SMAD3: variants seen among roughly 807,000 people sequenced by gnomAD.
SMAD3 encodes the protein SMAD family member 3, also known as MAD homolog 3.
SMAD3 carries 12 observed loss-of-function variants against 51.8 expected under a neutral mutation model. The observed-to-expected ratio is 0.23, with a 90% CI of 0.15 to 0.38. SMAD3 has a LOEUF of 0.38. SMAD3 is among the 10% of genes least tolerant of loss of function. The pLI is 1.00. For synonymous variants in SMAD3, 238 were observed against 227.7 expected (o/e 1.05, Z -0.41); for missense variants, 294 against 565.6 (o/e 0.52, Z 4.87).
At chr15:67,150,795 C>T (rs1423835306) in intron 1 of SMAD3, among the ~76,000 whole-genome samples, 1 of 74,142 alleles carries the variant, frequency 1.3e-5, no homozygotes, top group Admixed American at 1.6e-4. Context: ...TTTCCATGTC[C>T]TGCTTTTTTT....
rs7179840 is a variant in SMAD3 at position 67,166,592 on chromosome 15, C to T, written c.533-187C>T. On this transcript the variant is annotated intron_variant, in intron 3 of 8. Transcript: ENST00000327367. ...TGAGCAAAGGCAGTTATGATCCAAG[C>T]GGGAGTCAGAGGTGGACAGGGGCGA... 431,789 of 658,144 alleles carry T rather than the reference C, an allele frequency of 0.66. 143,937 individuals are homozygous for T. Among genetic ancestry groups the T allele is most frequent in the East Asian group, 0.81 (29,752 of 36,744 alleles). 40.8% of individuals were successfully genotyped at this position (658,144 alleles called of 1,614,324 possible). A position where few individuals can be genotyped will look rare whatever the true frequency, so the allele number is the denominator to read the frequency against.
chr15:67,106,090 T>A (rs1960871521), intron 1 of SMAD3, among the ~76,000 whole-genome samples: 1 of 152,158 alleles, frequency 6.6e-6, no homozygotes, highest in African/African-American at 2.4e-5. Flanking sequence ...TTTCCACTGC[T>A]GCTTCCTCAC....
At chr15:67,184,205 A>C (rs1820618504) in intron 6 of SMAD3, among the ~76,000 whole-genome samples, 1 of 150,938 alleles carries the variant, frequency 6.6e-6, no homozygotes, top group South Asian at 2.1e-4. Context: ...GGGCTCAAGC[A>C]ATCCACTCAC....
chr15:67,150,497 A>T (rs1595931101), intron 1 of SMAD3, among the ~76,000 whole-genome samples: 1 of 147,234 alleles, frequency 6.8e-6, no homozygotes, highest in East Asian at 2.0e-4. Flanking sequence ...AGAAAGAAAG[A>T]AAGTAAATCC....
At chr15:67,162,996 C>T (rs1261476263) in intron 1 of SMAD3, among the ~76,000 whole-genome samples, 16 of 149,484 alleles carry the variant, frequency 1.1e-4, no homozygotes, top group African/African-American at 1.5e-4. Context: ...TGATTTGAAA[C>T]GGAGTCTTGC....
intron 1 of SMAD3, among the ~76,000 whole-genome samples, chr15:67,079,527 C>T (rs555575578): frequency 1.3e-5 from 2 of 152,266 alleles, no homozygotes; most frequent in Non-Finnish European, 2.9e-5. Flanking sequence ...AGAAGATGGT[C>T]GAGTCAGCAG....
At chr15:67,117,002 C>T (rs1484248545) in intron 1 of SMAD3, among the ~76,000 whole-genome samples, 2 of 152,174 alleles carry the variant, frequency 1.3e-5, no homozygotes, top group African/African-American at 4.8e-5. Context: ...CCATTCTGGA[C>T]TACTTCACCC....
intron 4 of SMAD3, among the ~76,000 whole-genome samples, chr15:67,169,758 C>T (rs566844069): frequency 8.5e-5 from 13 of 152,198 alleles, no homozygotes; most frequent in African/African-American, 2.6e-4. Flanking sequence ...CCATTGCACC[C>T]GGCCTCCGCA....
At chr15:67,188,650 G>A (rs2140325464) in intron 8 of SMAD3, among the ~76,000 whole-genome samples, 1 of 152,364 alleles carries the variant, frequency 6.6e-6, no homozygotes, top group South Asian at 2.1e-4. Flanking sequence ...CAGATGCAGA[G>A]GTGCCCACAT....
chr15:67,151,981 T>C (rs1428290579), intron 1 of SMAD3, among the ~76,000 whole-genome samples: 7 of 152,282 alleles, frequency 4.6e-5, no homozygotes, highest in African/African-American at 1.7e-4. Context: ...GTAAACTATG[T>C]AATAATAATA....
At chr15:67,131,217 A>G (rs1225699100) in intron 1 of SMAD3, among the ~76,000 whole-genome samples, 6 of 152,186 alleles carry the variant, frequency 3.9e-5, no homozygotes, top group Non-Finnish European at 5.9e-5. Context: ...CTCCCTCCAG[A>G]GTACTCGGCA....
chr15:67,135,184 T>C (rs186170223), intron 1 of SMAD3, among the ~76,000 whole-genome samples: 9 of 152,290 alleles, frequency 5.9e-5, no homozygotes, highest in Admixed American at 4.6e-4. Context: ...ATCTGGGTTC[T>C]AGCACTGAGA....
In SMAD3 at chr15:67,065,689, G is replaced by T. The variant is rs913454688; in HGVS notation, c.-466G>T. Among the ~76,000 whole-genome samples the T allele has an allele frequency of 1.9e-4, 29 of 151,692 alleles. No individual in the cohort carries two copies. The highest frequency in any genetic ancestry group is 6.6e-4 in the Admixed American group (10 of 15,264). ...AGCGAGCGAGCGAGCGGCGAGCCGG[G>T]AGGAGGAGGGTGGCGGGGCGGTGAG... On this transcript the variant is annotated 5_prime_UTR_variant, in exon 1 of 9. Coordinates refer to ENST00000327367, the MANE Select transcript of SMAD3 (RefSeq NM_005902.4).
chr15:67,067,490 G>A (rs1959952938), intron 1 of SMAD3, among the ~76,000 whole-genome samples: 1 of 152,162 alleles, frequency 6.6e-6, no homozygotes, highest in African/African-American at 2.4e-5. Context: ...AGGCTGCCGA[G>A]GAATGAGTAG....
intron 1 of SMAD3, among the ~76,000 whole-genome samples, chr15:67,078,833 C>G (rs2140202266): frequency 6.6e-6 from 1 of 152,280 alleles, no homozygotes; most frequent in East Asian, 1.9e-4. Context: ...CTTATTTGAG[C>G]TTCCTTTTCC....
At chr15:67,098,765 G>A (rs1960677667) in intron 1 of SMAD3, 1 of 644,798 alleles carries the variant, frequency 1.6e-6, no homozygotes, top group African/African-American at 1.8e-5. Context: ...ACAGCCCCCG[G>A]AAGGCAGGTG....
chr15:67,171,315 A>G (rs1053749670), intron 5 of SMAD3, among the ~76,000 whole-genome samples: 2 of 152,152 alleles, frequency 1.3e-5, no homozygotes, highest in African/African-American at 4.8e-5. Context: ...TGTTTCCGCA[A>G]CATCCCTCCA....
chr15:67,191,863 T>C lies in SMAD3; in HGVS notation c.*1327T>C, dbSNP rs1033870230. 2.6e-5 allele frequency: 6 copies of C among 228,998 alleles called. No homozygotes were observed. Among genetic ancestry groups the C allele is most frequent in the Non-Finnish European group, 4.3e-5 (5 of 115,296 alleles). The allele number at this position is 228,998 out of a possible 1,614,324, so 14.2% of individuals were successfully genotyped here. On this transcript the variant is annotated 3_prime_UTR_variant, in exon 9 of 9. Coordinates refer to ENST00000327367, the MANE Select transcript of SMAD3 (RefSeq NM_005902.4). ...GGTAGAGGATCACCGGTGACAACTA[T>C]AGCAGTTGTATTGTGTAACAAGTAC...
chr15:67,153,512 G>A (rs534893474), intron 1 of SMAD3, among the ~76,000 whole-genome samples: 114 of 152,098 alleles, frequency 7.5e-4, no homozygotes, highest in African/African-American at 2.7e-3. Context: ...GATTCCTTCT[G>A]TTTTCCCGCA....
Sources: gnomAD v4.1 joint callset for allele counts (sites outside exome capture counted in the v4.1 genomes callset) on GRCh38, gnomAD v4.1.1 for gene constraint, MANE v1.5 for transcripts, NCBI Gene and HGNC (gene_info 2026-07-23, HGNC 2026-07-21) for gene names.